Variants in PACS1 observed in about 807,000 individuals in gnomAD.
The protein encoded by PACS1 is PACS-1.
A neutral mutation model predicts 115.0 loss-of-function variants in PACS1; 24 were observed. The ratio of observed to expected loss-of-function variants is 0.21; its 90% CI spans 0.15 to 0.29. The LOEUF is 0.29. PACS1 is among the 10% of genes least tolerant of loss of function. The probability of loss-of-function intolerance (pLI) is 1.00; values close to 1 mark genes in which losing one functional copy is unlikely to be tolerated. For synonymous variants in PACS1, 453 were observed against 504.5 expected (o/e 0.90, Z 1.37); for missense variants, 838 against 1,251.2 (o/e 0.67, Z 4.98).
intron 1 of PACS1, among the ~76,000 whole-genome samples, chr11:66,174,268 A>G (rs1054296959): frequency 9.9e-5 from 15 of 152,234 alleles, no homozygotes; most frequent in African/African-American, 3.6e-4. Context: ...AAAGCAGACA[A>G]TAATAAATGG....
intron 1 of PACS1, among the ~76,000 whole-genome samples, chr11:66,083,783 G>GA (rs35368721): frequency 1.7e-4 from 25 of 150,836 alleles, no homozygotes; most frequent in Non-Finnish European, 2.7e-4. Context: ...AAATGTGGAG[G>GA]AAAAAAAAAG....
chr11:66,158,424 G>A (rs1042662362), intron 1 of PACS1, among the ~76,000 whole-genome samples: 1 of 152,236 alleles, frequency 6.6e-6, no homozygotes, highest in East Asian at 1.9e-4. Context: ...TAGGCCGGGC[G>A]TGGTGGCTTA....
chr11:66,118,110 A>G (rs1202990897), intron 1 of PACS1, among the ~76,000 whole-genome samples: 2 of 152,246 alleles, frequency 1.3e-5, no homozygotes, highest in Non-Finnish European at 2.9e-5. Flanking sequence ...ACGTTAGTCT[A>G]AACAAGTAAT....
intron 1 of PACS1, among the ~76,000 whole-genome samples, chr11:66,180,987 A>C (rs939873598): frequency 6.6e-6 from 1 of 152,050 alleles, no homozygotes; most frequent in Non-Finnish European, 1.5e-5. Flanking sequence ...TTTATTTCTA[A>C]TTACTTCAGC....
intron 2 of PACS1, among the ~76,000 whole-genome samples, chr11:66,206,754 A>G (rs1854949416): frequency 6.6e-6 from 1 of 152,184 alleles, no homozygotes; most frequent in Non-Finnish European, 1.5e-5. Flanking sequence ...GGTTGAGAAG[A>G]TGACATTTAC....
At chr11:66,072,347 T>G (rs1367073440) in intron 1 of PACS1, among the ~76,000 whole-genome samples, 1 of 152,158 alleles carries the variant, frequency 6.6e-6, no homozygotes, top group Non-Finnish European at 1.5e-5. Flanking sequence ...ATGCACACAT[T>G]TCCCCCCAGG....
intron 1 of PACS1, among the ~76,000 whole-genome samples, chr11:66,164,756 A>G (rs1466096661): frequency 6.6e-6 from 1 of 150,410 alleles, no homozygotes; most frequent in Non-Finnish European, 1.5e-5. Flanking sequence ...GCCTTCTAAA[A>G]TTTTTTTTAA....
intron 1 of PACS1, among the ~76,000 whole-genome samples, chr11:66,159,090 A>G: frequency 6.6e-6 from 1 of 152,226 alleles, no homozygotes; most frequent in East Asian, 1.9e-4. Flanking sequence ...TTTTCAGTCT[A>G]TAATTCTACA....
chr11:66,162,112 G>GTTTTTTTTTTTTTT (rs58980906), intron 1 of PACS1, among the ~76,000 whole-genome samples: 1 of 56,320 alleles, frequency 1.8e-5, no homozygotes, highest in Non-Finnish European at 3.2e-5. Context: ...GGTGGTGGTG[G>GTTTTTTTTTTTTTT]TTTTTTTTTT....
intron 1 of PACS1, among the ~76,000 whole-genome samples, chr11:66,078,719 A>G (rs1857433652): frequency 6.6e-6 from 1 of 152,082 alleles, no homozygotes; most frequent in South Asian, 2.1e-4. Flanking sequence ...ATGCCCTGCT[A>G]ACTTTTTAAT....
chr11:66,074,026 G>T (rs1350638715), intron 1 of PACS1, among the ~76,000 whole-genome samples: 1 of 148,976 alleles, frequency 6.7e-6, no homozygotes, highest in African/African-American at 2.5e-5. Flanking sequence ...CTCCCAAAGT[G>T]CTGAGATTAC....
At chr11:66,187,593 C>T (rs1171242128) in intron 1 of PACS1, among the ~76,000 whole-genome samples, 1 of 152,158 alleles carries the variant, frequency 6.6e-6, no homozygotes, top group Non-Finnish European at 1.5e-5. Flanking sequence ...TTTCACTTAA[C>T]ACAATATTCT....
intron 1 of PACS1, among the ~76,000 whole-genome samples, chr11:66,155,239 G>T (rs542928879): frequency 6.6e-6 from 1 of 152,262 alleles, no homozygotes; most frequent in East Asian, 1.9e-4. Flanking sequence ...TTCTAAGTAG[G>T]ATACAAAAAG....
At position 66,135,988 on chromosome 11, in the gene PACS1, C is replaced by T. The variant is rs185046298; in HGVS notation, c.357-57498C>T. ...GCTCCTCTTAACGTGGTTTCAGATT[C>T]TGCCCACGTGCCTTCCAGACTAGCT... On this transcript the variant is annotated intron_variant, in intron 1 of 23. Transcript: ENST00000320580. Among the ~76,000 whole-genome samples the T allele has an allele frequency of 5.7e-4, 87 of 152,274 alleles. No homozygotes were observed. The East Asian group carries it at 0.016, about 27-fold the overall frequency.
chr11:66,119,834 T>C (rs1858399056), intron 1 of PACS1, among the ~76,000 whole-genome samples: 1 of 152,192 alleles, frequency 6.6e-6, no homozygotes, highest in African/African-American at 2.4e-5. Context: ...AGAACTGTCC[T>C]TTAACCTCCC....
chr11:66,081,953 A>AAG (rs2134501330), intron 1 of PACS1, among the ~76,000 whole-genome samples: 1 of 152,288 alleles, frequency 6.6e-6, no homozygotes, highest in African/African-American at 2.4e-5. Context: ...CTGATAATAC[A>AAG]TTTGTGGTCT....
intron 1 of PACS1, among the ~76,000 whole-genome samples, chr11:66,114,066 A>G (rs1163376535): frequency 6.6e-6 from 1 of 151,568 alleles, no homozygotes; most frequent in South Asian, 2.1e-4. Context: ...ATACATAGAC[A>G]TTGTTTACGT....
At chr11:66,140,707 T>G (rs1437118061) in intron 1 of PACS1, among the ~76,000 whole-genome samples, 1 of 152,198 alleles carries the variant, frequency 6.6e-6, no homozygotes, top group Non-Finnish European at 1.5e-5. Context: ...AAAAGTACTT[T>G]ATTAGTTTCT....
chr11:66,244,595 C>G lies in PACS1; in HGVS notation c.*1315C>G, dbSNP rs996935696. 2 of 152,392 alleles carry G rather than the reference C, an allele frequency of 1.3e-5. No homozygotes were observed. Among genetic ancestry groups the G allele is most frequent in the African/African-American group, 2.4e-5 (1 of 41,468 alleles). 9.4% of individuals were successfully genotyped at this position (152,392 alleles called of 1,614,324 possible). A position where few individuals can be genotyped will look rare whatever the true frequency, so the allele number is the denominator to read the frequency against. ...ATTTTGAAAGTGTTTTTCTCATTCTCCATACCTCCCCCAAGCTCTCCTCCA... is the reference window on the plus strand; with the variant it reads ...ATTTTGAAAGTGTTTTTCTCATTCTGCATACCTCCCCCAAGCTCTCCTCCA... On this transcript the variant is annotated 3_prime_UTR_variant, in exon 24 of 24. Coordinates refer to ENST00000320580, the MANE Select transcript of PACS1 (RefSeq NM_018026.4).
Sources: gnomAD v4.1 joint callset for allele counts (sites outside exome capture counted in the v4.1 genomes callset) on GRCh38, gnomAD v4.1.1 for gene constraint, MANE v1.5 for transcripts, NCBI Gene and HGNC (gene_info 2026-07-23, HGNC 2026-07-21) for gene names.